Variants in DYNC1H1 observed in about 807,000 individuals in gnomAD.
The protein encoded by DYNC1H1 is dynein cytoplasmic 1 heavy chain 1.
In DYNC1H1, 51 loss-of-function variants were observed where a neutral mutation model predicts 527.1. That is an observed-to-expected ratio of 0.10 (90% CI 0.08 to 0.12). DYNC1H1 has a LOEUF of 0.12. Among genes scored for constraint, DYNC1H1 ranks in the 10% least tolerant of loss-of-function variants. The probability of loss-of-function intolerance (pLI) is 1.00; values close to 1 mark genes in which losing one functional copy is unlikely to be tolerated. For synonymous variants in DYNC1H1, 2,189 were observed against 2,278.8 expected, an observed-to-expected ratio of 0.96 and a Z score of 1.12; for missense variants, 2,771 against 5,971.8, an observed-to-expected ratio of 0.46 and a Z score of 17.66.
chr14:102,001,087 T>C lies in DYNC1H1; in HGVS notation c.4185+23T>C. The C allele has an allele frequency of 6.2e-7, 1 of 1,613,978 alleles. No individual in the cohort carries two copies. The highest frequency in any genetic ancestry group is 8.5e-7 in the Non-Finnish European group (1 of 1,179,850). ...AAGGTAGGTGGCCAGTATCGCACGG[T>C]GATGAGTGTCCATTAGAAACGCACC... On this transcript the variant is annotated intron_variant, in intron 19 of 77. Transcript: ENST00000360184. The surrounding 1 kb of genome is among the most constrained non-coding windows in gnomAD (Gnocchi z 5.0).
chr14:102,031,159 A>G (rs945877350), intron 51 of DYNC1H1, among the ~76,000 whole-genome samples: 1 of 152,178 alleles, frequency 6.6e-6, no homozygotes, highest in African/African-American at 2.4e-5. Flanking sequence ...CACCTTCTAA[A>G]TATTACTTAA....
At chr14:101,966,490 T>C (rs1384495746) in intron 1 of DYNC1H1, among the ~76,000 whole-genome samples, 2 of 152,066 alleles carry the variant, frequency 1.3e-5, no homozygotes, top group Non-Finnish European at 2.9e-5. Context: ...ACAGCTAAAG[T>C]AAAAATCACT....
chr14:101,965,027 A>G lies in DYNC1H1; in HGVS notation c.256+80A>G. The G allele has an allele frequency of 6.9e-7, 1 of 1,453,944 alleles. No individual in the cohort carries two copies. 90.1% of individuals were successfully genotyped at this position (1,453,944 alleles called of 1,614,324 possible). A position where few individuals can be genotyped will look rare whatever the true frequency, so the allele number is the denominator to read the frequency against. ...CCTGCCAGGTCCTCCGGGGTCGCAGATGTCCCCGGGATGGGAGGAGCCCGG... is the reference window on the plus strand; with the variant it reads ...CCTGCCAGGTCCTCCGGGGTCGCAGGTGTCCCCGGGATGGGAGGAGCCCGG... On this transcript the variant is annotated intron_variant, in intron 1 of 77. Transcript: ENST00000360184. The surrounding 1 kb of genome is among the most constrained non-coding windows in gnomAD (Gnocchi z 4.1).
chr14:102,030,037 AGAGG>A (rs1020058520), intron 50 of DYNC1H1, 99 bp downstream of exon 50: 6 of 1,599,216 alleles, frequency 3.8e-6, no homozygotes, highest in Non-Finnish European at 5.1e-6. Flanking sequence ...AGGGTTAGAG[AGAGG>A]GAGGGAGGGA....
chr14:101,974,276 T>C (rs2047775672), intron 1 of DYNC1H1, among the ~76,000 whole-genome samples: 1 of 152,192 alleles, frequency 6.6e-6, no homozygotes, highest in South Asian at 2.1e-4. Context: ...ATTTTGTATT[T>C]TTAGCAGAGA....
intron 1 of DYNC1H1, among the ~76,000 whole-genome samples, chr14:101,967,605 C>G (rs1012916610): frequency 2.0e-5 from 3 of 152,086 alleles, no homozygotes; most frequent in Non-Finnish European, 4.4e-5. Context: ...TTTGGGAGAC[C>G]AAGGCAGGAG....
In DYNC1H1 at chr14:102,001,081, G is replaced by A. The variant is rs570358936; in HGVS notation, c.4185+17G>A. On this transcript the variant is annotated intron_variant, in intron 19 of 77. Coordinates refer to ENST00000360184, the MANE Select transcript of DYNC1H1 (RefSeq NM_001376.5). This position sits in a 1 kb window ranked among gnomAD's most constrained non-coding sequence, Gnocchi z 5.0. ...TACATGAAGGTAGGTGGCCAGTATC[G>A]CACGGTGATGAGTGTCCATTAGAAA... 36 of 1,613,924 alleles carry A rather than the reference G, an allele frequency of 2.2e-5. No homozygotes were observed. Among genetic ancestry groups the A allele is most frequent in the East Asian group, 8.9e-5 (4 of 44,884 alleles).
chr14:101,968,473 A>C (rs868053413), intron 1 of DYNC1H1, among the ~76,000 whole-genome samples: 1 of 151,716 alleles, frequency 6.6e-6, no homozygotes, highest in Admixed American at 6.6e-5. Context: ...GGCTCAAGCA[A>C]TACTTCCACC....
chr14:102,044,582 A>T lies in DYNC1H1; in HGVS notation c.12903-13A>T. 1 of 1,614,120 alleles carries T rather than the reference A, an allele frequency of 6.2e-7. No homozygotes were observed. Among genetic ancestry groups the T allele is most frequent in the Non-Finnish European group, 8.5e-7 (1 of 1,180,014 alleles). Reference sequence around the variant, plus strand: ...GACCCCTGACATCATTTCCAAATGCACTGGTTTTCTAGGCGAGAGGAGTTT... The same window carrying T: ...GACCCCTGACATCATTTCCAAATGCTCTGGTTTTCTAGGCGAGAGGAGTTT... On this transcript the variant is annotated splice_polypyrimidine_tract_variant and intron_variant, in intron 71 of 77. Coordinates refer to ENST00000360184, the MANE Select transcript of DYNC1H1 (RefSeq NM_001376.5). This position sits in a 1 kb window ranked among gnomAD's most constrained non-coding sequence, Gnocchi z 7.1.
chr14:102,040,510 C>T (rs989995716), intron 63 of DYNC1H1, 88 bp from the exon 64 acceptor site: 18 of 1,608,254 alleles, frequency 1.1e-5, no homozygotes, highest in Middle Eastern at 1.6e-4. Flanking sequence ...GTTGTGTCTG[C>T]GCTCTCGCGT....
rs761594985 is a variant in DYNC1H1, at chr14:102,015,074, T to A, written c.7015-31T>A. ...TGTCCAGGTTTCTTCCAAACCTATGTCATTAAATCTGCTTAATGTTTTCTT... is the reference window on the plus strand; with the variant it reads ...TGTCCAGGTTTCTTCCAAACCTATGACATTAAATCTGCTTAATGTTTTCTT... On this transcript the variant is annotated intron_variant, in intron 34 of 77. Coordinates refer to ENST00000360184, the MANE Select transcript of DYNC1H1 (RefSeq NM_001376.5). This position sits in a 1 kb window ranked among gnomAD's most constrained non-coding sequence, Gnocchi z 6.9. 6 of 1,608,396 alleles carry A rather than the reference T, an allele frequency of 3.7e-6. No homozygotes were observed. In the South Asian group the frequency reaches 5.5e-5, roughly 15 times the overall value.
chr14:102,032,351 G>A lies in DYNC1H1; in HGVS notation c.9963G>A (p.Leu3321=). ...CTCCTGCTGCTGTGAAGCTGGCGCT[G>A]GAGTCCATCTGCCTGCTGCTGGGGG... ...ANPPAAVKLA[L]ESICLLLGES... is the part of the protein sequence containing the mutation. Residue 3321 remains leucine (L), a synonymous_variant, in exon 52 of 78, where the codon CTG becomes CTA. Coordinates refer to ENST00000360184, the MANE Select transcript of DYNC1H1 (RefSeq NM_001376.5). 1 of 1,614,204 alleles carries A rather than the reference G, an allele frequency of 6.2e-7. No individual in the cohort carries two copies. The highest frequency in any genetic ancestry group is 2.2e-5 in the East Asian group (1 of 44,880).
chr14:101,980,104 G>A, intron 4 of DYNC1H1, 130 bp downstream of exon 4: 2 of 1,416,960 alleles, frequency 1.4e-6, no homozygotes, highest in Non-Finnish European at 1.9e-6. Flanking sequence ...TTGGTCCTGG[G>A]ACTGTCCAGT....
chr14:102,050,223 G>A (rs1351554999), intron 77 of DYNC1H1, 25 bp downstream of exon 77: 2 of 1,613,826 alleles, frequency 1.2e-6, no homozygotes, highest in Non-Finnish European at 1.7e-6. Flanking sequence ...CCTTTCCCAG[G>A]CATTCTGCAG....
At chr14:101,984,350 G>T (rs895248017) in intron 7 of DYNC1H1, among the ~76,000 whole-genome samples, 91 of 142,636 alleles carry the variant, frequency 6.4e-4, no homozygotes, top group Non-Finnish European at 1.2e-3. Flanking sequence ...TTGTCTTTAA[G>T]ATCTAGTGAT....
intron 56 of DYNC1H1, chr14:102,034,808 C>T: frequency 2.7e-6 from 1 of 370,432 alleles, no homozygotes. Flanking sequence ...CGCCTGTAAT[C>T]CCAGTTACTC....
At chr14:101,984,423 GTGTGTGTGTATATATA>G (rs2047906070) in intron 7 of DYNC1H1, among the ~76,000 whole-genome samples, 2 of 123,610 alleles carry the variant, frequency 1.6e-5, no homozygotes, top group East Asian at 2.2e-4. Flanking sequence ...GTGTGTGTGT[GTGTGTGTGTATATATA>G]TATATATTAT....
chr14:102,051,073 C>T lies in DYNC1H1; in HGVS notation c.*510C>T, dbSNP rs917085362. 4.5e-5 allele frequency: 10 copies of T among 220,224 alleles called. No individual in the cohort carries two copies. The highest frequency in any genetic ancestry group is 1.6e-4 in the Admixed American group (3 of 19,066). The allele number at this position is 220,224 out of a possible 1,614,324, so 13.6% of individuals were successfully genotyped here. A position where few individuals can be genotyped will look rare whatever the true frequency, so the allele number is the denominator to read the frequency against. On this transcript the variant is annotated 3_prime_UTR_variant, in exon 78 of 78. Transcript: ENST00000360184. ...GAGTCTGGGAGTTAAAGACCAGCCT[C>T]GGCAACATAGTGAGACCCCGTCTCT... is the stretch of plus-strand genomic sequence containing the variant.
At chr14:101,998,659 C>A (rs1365708181) in intron 16 of DYNC1H1, among the ~76,000 whole-genome samples, 1 of 152,146 alleles carries the variant, frequency 6.6e-6, no homozygotes, top group Admixed American at 6.5e-5. Context: ...CTGCCTGTAA[C>A]CGTTTCCGTG....
Sources: gnomAD v4.1 joint callset for allele counts (sites outside exome capture counted in the v4.1 genomes callset) on GRCh38, gnomAD v4.1.1 for gene constraint, Gnocchi (gnomAD v3.1) non-coding constraint, MANE v1.5 for transcripts, NCBI Gene and HGNC (gene_info 2026-07-23, HGNC 2026-07-21) for gene names.